The following TNS3 variants were observed in gnomAD, a reference collection of about 807,000 sequenced individuals.
TNS3 encodes tensin-3.
Under a neutral mutation model 140.9 loss-of-function variants are expected in TNS3, and 45 were observed. That is an observed-to-expected ratio of 0.32 (90% CI 0.25 to 0.41). The LOEUF is 0.41. TNS3 is among the 10% of genes least tolerant of loss of function. The pLI, the probability that TNS3 is intolerant of heterozygous loss-of-function variation, is 1.00. For synonymous variants in TNS3, 815 were observed against 788.4 expected (o/e 1.03, Z -0.56); for missense variants, 1,716 against 1,906.7 (o/e 0.90, Z 1.86).
At chr7:47,299,613 A>G (rs992027856) in intron 23 of TNS3, among the ~76,000 whole-genome samples, 1 of 152,170 alleles carries the variant, frequency 6.6e-6, no homozygotes, top group Non-Finnish European at 1.5e-5. Flanking sequence ...CAGTGGAGGG[A>G]ACACGGGCTT....
chr7:47,395,091 C>T (rs1792749632), intron 16 of TNS3, among the ~76,000 whole-genome samples: 1 of 152,242 alleles, frequency 6.6e-6, no homozygotes, highest in East Asian at 1.9e-4. Flanking sequence ...GTCAATAACC[C>T]TCCAGGCTCG....
At chr7:47,404,890 TA>T (rs1793360041) in intron 13 of TNS3, among the ~76,000 whole-genome samples, 2 of 151,102 alleles carry the variant, frequency 1.3e-5, no homozygotes, top group Admixed American at 1.3e-4. Context: ...TCTCAAAAAA[TA>T]AAAATAAAAA....
At chr7:47,326,257 C>T (rs1190623085) in intron 20 of TNS3, among the ~76,000 whole-genome samples, 1 of 152,170 alleles carries the variant, frequency 6.6e-6, no homozygotes, top group Admixed American at 6.5e-5. Flanking sequence ...ACAAACATTT[C>T]CACATGCAAA....
intron 20 of TNS3, among the ~76,000 whole-genome samples, chr7:47,327,737 G>C (rs746961070): frequency 2.6e-5 from 4 of 152,202 alleles, no homozygotes; most frequent in Non-Finnish European, 5.9e-5. Flanking sequence ...CTTGAGAACT[G>C]TCATCAAGTG....
At chr7:47,544,876 G>A (rs1231675325) in intron 1 of TNS3, among the ~76,000 whole-genome samples, 1 of 151,906 alleles carries the variant, frequency 6.6e-6, no homozygotes, top group African/African-American at 2.4e-5. Context: ...AGGACATCAT[G>A]ATTTACTTTT....
intron 1 of TNS3, among the ~76,000 whole-genome samples, chr7:47,531,734 G>A (rs1584821772): frequency 6.6e-6 from 1 of 152,248 alleles, no homozygotes; most frequent in Non-Finnish European, 1.5e-5. Context: ...GGGAGGTGAG[G>A]CTGGGGCTGC....
At chr7:47,465,302 G>A (rs1351805671) in intron 4 of TNS3, among the ~76,000 whole-genome samples, 3 of 152,158 alleles carry the variant, frequency 2.0e-5, no homozygotes, top group African/African-American at 7.2e-5. Flanking sequence ...GGAGACTTGT[G>A]GGAAAAGTCT....
chr7:47,356,598 C>T (rs1242276879), intron 17 of TNS3, among the ~76,000 whole-genome samples: 3 of 152,174 alleles, frequency 2.0e-5, no homozygotes, highest in African/African-American at 4.8e-5. Flanking sequence ...AGCAAATCTT[C>T]AGGATGCAAT....
intron 4 of TNS3, among the ~76,000 whole-genome samples, chr7:47,464,332 C>A (rs1013088220): frequency 6.6e-6 from 1 of 151,962 alleles, no homozygotes; most frequent in Non-Finnish European, 1.5e-5. Flanking sequence ...GTCATCTGCC[C>A]GGGATGGAAA....
intron 17 of TNS3, among the ~76,000 whole-genome samples, chr7:47,361,053 A>T (rs1016559684): frequency 6.6e-6 from 1 of 151,176 alleles, no homozygotes; most frequent in Non-Finnish European, 1.5e-5. Context: ...CCCTCCTGAG[A>T]TTCTTCCTCT....
At chr7:47,548,189 C>T (rs981756235) in intron 1 of TNS3, among the ~76,000 whole-genome samples, 1 of 152,152 alleles carries the variant, frequency 6.6e-6, no homozygotes, top group African/African-American at 2.4e-5. Flanking sequence ...GGTGAGTCAC[C>T]ACCCACCCCG....
intron 2 of TNS3, among the ~76,000 whole-genome samples, chr7:47,515,029 G>C (rs189668761): frequency 1.3e-5 from 2 of 152,314 alleles, no homozygotes; most frequent in East Asian, 1.9e-4. Context: ...GTTTTGAGGA[G>C]TGTAAGAAAA....
At position 47,413,971 on chromosome 7, in the gene TNS3, G is replaced by T; in HGVS notation, c.613C>A (p.Gln205Lys). ...GVCRPFLKLY[Q>K]AMQPVYTSGI... is the part of the protein sequence containing the mutation. ...GAGGTGTACACAGGCTGCATGGCTT[G>T]GTAGAGCTTCAGAAAGGGCCGGCAC... Residue 205 changes from glutamine to lysine, a missense_variant, in exon 12 of 31, where the codon CAA (glutamine) becomes AAA (lysine). By Grantham distance (53) the Gln-to-Lys change is moderately conservative. Transcript: ENST00000311160. 1 of 1,613,878 alleles carries T rather than the reference G, an allele frequency of 6.2e-7. No homozygotes were observed. Among genetic ancestry groups the T allele is most frequent in the South Asian group, 1.1e-5 (1 of 91,022 alleles).
At chr7:47,520,447 G>C (rs1196940173) in intron 2 of TNS3, among the ~76,000 whole-genome samples, 1 of 152,160 alleles carries the variant, frequency 6.6e-6, no homozygotes. Flanking sequence ...AAATCCACCA[G>C]CACAATCAAC....
intron 20 of TNS3, among the ~76,000 whole-genome samples, chr7:47,318,127 C>T (rs1787517808): frequency 6.6e-6 from 1 of 152,206 alleles, no homozygotes; most frequent in Non-Finnish European, 1.5e-5. Context: ...ATCCCACTTT[C>T]TGTATGTATG....
intron 21 of TNS3, 45 bp from the exon 22 acceptor site, chr7:47,303,629 G>C (rs1786561078): frequency 6.6e-7 from 1 of 1,518,278 alleles, no homozygotes. Flanking sequence ...AAGGTACAAA[G>C]AGACACCTGA....
chr7:47,564,440 A>C (rs1464689740), intron 1 of TNS3, among the ~76,000 whole-genome samples: 1 of 152,000 alleles, frequency 6.6e-6, no homozygotes, highest in Non-Finnish European at 1.5e-5. Context: ...GTTCAAGACC[A>C]GCCTGACCAA....
At position 47,529,124 on chromosome 7, in the gene TNS3, C is replaced by T. The variant is rs1248752262; in HGVS notation, c.-241G>A. 3 of 1,285,972 alleles carry T rather than the reference C, an allele frequency of 2.3e-6. No homozygotes were observed. Among genetic ancestry groups the T allele is most frequent in the South Asian group, 2.5e-5 (2 of 79,754 alleles). 79.7% of individuals were successfully genotyped at this position (1,285,972 alleles called of 1,614,324 possible). A position where few individuals can be genotyped will look rare whatever the true frequency, so the allele number is the denominator to read the frequency against. ...TAAAGGCCTTGTTCTTAAAAGCGTG[C>T]AGACTCGAGGTTAATTCTTCCGGCT... is the stretch of plus-strand genomic sequence containing the variant. On this transcript the variant is annotated 5_prime_UTR_variant, in exon 2 of 31. Coordinates refer to ENST00000311160, the MANE Select transcript of TNS3 (RefSeq NM_022748.12).
chr7:47,561,170 T>C (rs1800312837), intron 1 of TNS3, among the ~76,000 whole-genome samples: 1 of 152,244 alleles, frequency 6.6e-6, no homozygotes, highest in Non-Finnish European at 1.5e-5. Context: ...TTTATTCTTC[T>C]GTAGCTCGAG....
Sources: gnomAD v4.1 joint callset for allele counts (sites outside exome capture counted in the v4.1 genomes callset) on GRCh38, gnomAD v4.1.1 for gene constraint, MANE v1.5 for transcripts, NCBI Gene and HGNC (gene_info 2026-07-23, HGNC 2026-07-21) for gene names.